Variants in RARB observed in about 807,000 individuals in gnomAD.
The protein encoded by RARB is HBV-activated protein.
Under a neutral mutation model 51.9 loss-of-function variants are expected in RARB, and 17 were observed. The observed-to-expected ratio is 0.33, with a 90% CI of 0.22 to 0.49. RARB has a LOEUF of 0.49. Ranked by LOEUF, RARB falls within the 20% of genes least tolerant of loss-of-function variation. The pLI is 0.99. For synonymous variants in RARB, 215 were observed against 195.4 expected (o/e 1.10, Z -0.84); for missense variants, 369 against 550.8 (o/e 0.67, Z 3.30).
Position 25,286,373 on chromosome 3 carries a change from A to C in RARB, c.178+111798A>C, listed in dbSNP as rs548403719. Reference sequence around the variant, plus strand: ...AAAGTGCTGGGATTACAGGCGTGAGACACTGTGCCCAGCCCAACTTGATCC... The same window carrying C: ...AAAGTGCTGGGATTACAGGCGTGAGCCACTGTGCCCAGCCCAACTTGATCC... On this transcript the variant is annotated intron_variant, in intron 5 of 11. Transcript: ENST00000383772. Among the ~76,000 whole-genome samples the C allele has an allele frequency of 1.8e-4, 28 of 152,178 alleles. No individual in the cohort carries two copies. In the East Asian group the frequency reaches 2.7e-3, roughly 15 times the overall value.
At chr3:25,389,580 A>G (rs1433567566) in intron 5 of RARB, among the ~76,000 whole-genome samples, 2 of 152,186 alleles carry the variant, frequency 1.3e-5, no homozygotes, top group African/African-American at 2.4e-5. Context: ...CATAGTACTT[A>G]TAAGAGTAGA....
At chr3:25,456,487 A>G (rs1694909628) in intron 1 of RARB, among the ~76,000 whole-genome samples, 1 of 149,224 alleles carries the variant, frequency 6.7e-6, no homozygotes, top group Non-Finnish European at 1.5e-5. Flanking sequence ...CCTGGTTGTA[A>G]TTCTAGAATT....
intron 2 of RARB, among the ~76,000 whole-genome samples, chr3:24,955,635 G>A (rs926371816): frequency 6.6e-6 from 1 of 152,208 alleles, no homozygotes; most frequent in Non-Finnish European, 1.5e-5. Flanking sequence ...TTATTTCCAT[G>A]TGGAATCCCA....
chr3:25,336,574 A>G (rs932180017), intron 5 of RARB, among the ~76,000 whole-genome samples: 4 of 152,184 alleles, frequency 2.6e-5, no homozygotes, highest in Non-Finnish European at 4.4e-5. Flanking sequence ...TTAAATGCTT[A>G]TAAGTATTTC....
At chr3:25,263,031 A>G (rs1377408226) in intron 5 of RARB, among the ~76,000 whole-genome samples, 2 of 152,184 alleles carry the variant, frequency 1.3e-5, no homozygotes, top group Admixed American at 1.3e-4. Context: ...TCAAATGTCT[A>G]GTGATAACCT....
intron 3 of RARB, among the ~76,000 whole-genome samples, chr3:25,543,244 A>G (rs1699459462): frequency 6.6e-6 from 1 of 152,212 alleles, no homozygotes; most frequent in Non-Finnish European, 1.5e-5. Context: ...GGGTCTGAAC[A>G]GATAAAAGAC....
intron 3 of RARB, among the ~76,000 whole-genome samples, chr3:25,513,661 T>TACACACACACACACACACAAACAC (rs1698017655): frequency 6.9e-6 from 1 of 145,096 alleles, no homozygotes; most frequent in African/African-American, 2.6e-5. Flanking sequence ...CTCTCAAAAC[T>TACACACACACACACACACAAACAC]ACACACACAC....
intron 2 of RARB, among the ~76,000 whole-genome samples, chr3:25,500,232 T>G (rs1425652657): frequency 6.6e-6 from 1 of 152,180 alleles, no homozygotes. Context: ...TTGATTTAAG[T>G]AGCCTCATGT....
chr3:25,211,916 T>G (rs535958740), intron 5 of RARB, among the ~76,000 whole-genome samples: 60 of 152,334 alleles, frequency 3.9e-4, no homozygotes, highest in Non-Finnish European at 7.1e-4. Flanking sequence ...TCACTTTCCC[T>G]TTCTTGCATA....
At chr3:25,427,507 T>G (rs1472758407), upstream of RARB, among the ~76,000 whole-genome samples, 1 of 152,164 alleles carries the variant, frequency 6.6e-6, no homozygotes, top group East Asian at 1.9e-4. Flanking sequence ...ACTATACTGT[T>G]TTTTCAAGTC....
At chr3:25,486,616 T>G (rs930001046) in intron 2 of RARB, among the ~76,000 whole-genome samples, 5 of 152,118 alleles carry the variant, frequency 3.3e-5, no homozygotes, top group Admixed American at 3.3e-4. Flanking sequence ...TCAGAACAAT[T>G]CTATAGTCAT....
At chr3:24,886,386 G>T (rs552959345) in intron 2 of RARB, among the ~76,000 whole-genome samples, 1 of 151,570 alleles carries the variant, frequency 6.6e-6, no homozygotes, top group South Asian at 2.1e-4. Flanking sequence ...AAAGAGGACC[G>T]TTATTGGAAA....
chr3:25,548,224 A>G (rs1699699094), intron 3 of RARB, among the ~76,000 whole-genome samples: 1 of 152,044 alleles, frequency 6.6e-6, no homozygotes, highest in Non-Finnish European at 1.5e-5. Flanking sequence ...CATTTTAGAA[A>G]GAAACTCTGA....
At chr3:25,026,679 A>G (rs143528646) in intron 2 of RARB, among the ~76,000 whole-genome samples, 1 of 152,306 alleles carries the variant, frequency 6.6e-6, no homozygotes, top group African/African-American at 2.4e-5. Context: ...ATGGAACACA[A>G]TTTAGCCCAT....
At chr3:25,313,551 T>C (rs1237351531) in intron 5 of RARB, among the ~76,000 whole-genome samples, 2 of 152,192 alleles carry the variant, frequency 1.3e-5, no homozygotes, top group South Asian at 2.1e-4. Context: ...CTCTTTAATA[T>C]ACTGTAGTGC....
upstream of RARB, among the ~76,000 whole-genome samples, chr3:25,426,703 G>A (rs1230557217): frequency 6.6e-6 from 1 of 152,224 alleles, no homozygotes; most frequent in Non-Finnish European, 1.5e-5. Flanking sequence ...TGCTACAGAG[G>A]CAGTGGAGAA....
chr3:25,129,042 C>G (rs1258735589), intron 3 of RARB, among the ~76,000 whole-genome samples: 4 of 151,968 alleles, frequency 2.6e-5, no homozygotes, highest in Non-Finnish European at 5.9e-5. Context: ...CAGCCCATAT[C>G]TAGAAAAAAT....
At chr3:25,012,628 G>A (rs1697422972) in intron 2 of RARB, among the ~76,000 whole-genome samples, 1 of 152,092 alleles carries the variant, frequency 6.6e-6, no homozygotes, top group Non-Finnish European at 1.5e-5. Context: ...GGCATATTTT[G>A]ACTTTCTAAT....
chr3:24,954,927 C>A (rs184053577), intron 2 of RARB, among the ~76,000 whole-genome samples: 3 of 152,076 alleles, frequency 2.0e-5, no homozygotes, highest in Non-Finnish European at 4.4e-5. Flanking sequence ...TCTGGCCCGA[C>A]GACAGTATCT....
Sources: gnomAD v4.1 joint callset for allele counts (sites outside exome capture counted in the v4.1 genomes callset) on GRCh38, gnomAD v4.1.1 for gene constraint, MANE v1.5 for transcripts, NCBI Gene and HGNC (gene_info 2026-07-23, HGNC 2026-07-21) for gene names.